GRIK2: variants seen among roughly 807,000 people sequenced by gnomAD.
The protein encoded by GRIK2 is glutamate receptor ionotropic, kainate 2.
GRIK2 carries 32 observed loss-of-function variants against 100.3 expected under a neutral mutation model. That is an observed-to-expected ratio of 0.32 (90% CI 0.24 to 0.43). GRIK2 has a LOEUF of 0.43. GRIK2 is among the 20% of genes least tolerant of loss of function. The probability of loss-of-function intolerance (pLI) is 1.00; values close to 1 mark genes in which losing one functional copy is unlikely to be tolerated. For synonymous variants in GRIK2, 417 were observed against 389.4 expected (o/e 1.07, Z -0.83); for missense variants, 843 against 1,114.9 (o/e 0.76, Z 3.47).
intron 7 of GRIK2, among the ~76,000 whole-genome samples, chr6:101,721,122 A>C (rs1264405768): frequency 1.3e-5 from 2 of 152,036 alleles, no homozygotes; most frequent in South Asian, 4.1e-4. Context: ...TCCTTTAATC[A>C]GGCAGCTTCT....
intron 2 of GRIK2, among the ~76,000 whole-genome samples, chr6:101,438,262 T>C (rs1375264479): frequency 6.6e-6 from 1 of 152,076 alleles, no homozygotes; most frequent in Non-Finnish European, 1.5e-5. Flanking sequence ...TAGGATTTGG[T>C]TAGCTCAAGG....
intron 2 of GRIK2, among the ~76,000 whole-genome samples, chr6:101,484,488 A>G (rs1214678470): frequency 1.3e-5 from 2 of 151,928 alleles, no homozygotes; most frequent in African/African-American, 4.8e-5. Context: ...AATATTGCTA[A>G]TTGATTCTTA....
At chr6:101,448,055 C>A (rs1320931278) in intron 2 of GRIK2, among the ~76,000 whole-genome samples, 2 of 151,616 alleles carry the variant, frequency 1.3e-5, no homozygotes, top group Admixed American at 6.6e-5. Flanking sequence ...CCAGATCAAG[C>A]ATTGGCTTGT....
chr6:101,838,001 C>T (rs1783250736), intron 10 of GRIK2, among the ~76,000 whole-genome samples: 1 of 152,034 alleles, frequency 6.6e-6, no homozygotes, highest in African/African-American at 2.4e-5. Flanking sequence ...CCTTCTCCCC[C>T]AAAGCACGTC....
At chr6:101,526,848 A>AC (rs1245138539) in intron 2 of GRIK2, among the ~76,000 whole-genome samples, 1 of 152,160 alleles carries the variant, frequency 6.6e-6, no homozygotes, top group Non-Finnish European at 1.5e-5. Context: ...GGAGGAGGCA[A>AC]CACTTCTACC....
Position 102,035,385 on chromosome 6 carries a change from T to G in GRIK2, c.2130T>G (p.Ser710Arg), listed in dbSNP as rs1271835076. 6.2e-7 allele frequency: 1 copy of G among 1,607,918 alleles called. No homozygotes were observed. The highest frequency in any genetic ancestry group is 1.3e-5 in the African/African-American group (1 of 74,592). The change falls in exon 15 of 17, where the codon AGT becomes AGG. Residue 710 changes from serine to arginine, a missense_variant. Ser to Arg is a moderately radical substitution (Grantham distance 110). Transcript: ENST00000369134. ...ATGACAAAATGTGGGCCTTTATGAG[T>G]AGCAGAAGGCAGTCAGTGCTGGTCA... is the stretch of plus-strand genomic sequence containing the variant. ...STYDKMWAFM[S>R]SRRQSVLVKS...
intron 2 of GRIK2, among the ~76,000 whole-genome samples, chr6:101,568,129 T>G (rs776621361): frequency 6.6e-6 from 1 of 152,038 alleles, no homozygotes; most frequent in Admixed American, 6.6e-5. Flanking sequence ...GTAGCTTTTT[T>G]GTCAAATTAA....
intron 14 of GRIK2, among the ~76,000 whole-genome samples, chr6:101,984,965 CATCTT>C (rs941649370): frequency 1.3e-4 from 19 of 151,784 alleles, no homozygotes; most frequent in African/African-American, 4.6e-4. Context: ...TCCTTCTTCA[CATCTT>C]ATCTTCCTCT....
chr6:101,831,722 T>C (rs774606447), intron 10 of GRIK2, among the ~76,000 whole-genome samples: 1 of 152,202 alleles, frequency 6.6e-6, no homozygotes, highest in East Asian at 1.9e-4. Context: ...GCATGTCCAA[T>C]TCAATTTCTG....
intron 2 of GRIK2, among the ~76,000 whole-genome samples, chr6:101,497,100 A>G (rs2128271135): frequency 6.6e-6 from 1 of 152,232 alleles, no homozygotes; most frequent in East Asian, 1.9e-4. Context: ...TCCACACCCC[A>G]AGGTACTGTC....
chr6:101,665,410 G>A (rs1769951172), intron 4 of GRIK2, among the ~76,000 whole-genome samples: 1 of 152,192 alleles, frequency 6.6e-6, no homozygotes, highest in Non-Finnish European at 1.5e-5. Flanking sequence ...GAGAAGCACA[G>A]CCACTGTCAT....
rs78952923 is a variant in GRIK2, at chr6:101,432,934, C to T, written c.115+33542C>T. Among the ~76,000 whole-genome samples, 418 of 152,188 alleles carry T rather than the reference C, an allele frequency of 2.7e-3. 2 individuals are homozygous for T. Among genetic ancestry groups the T allele is most frequent in the African/African-American group, 9.7e-3 (403 of 41,512 alleles). ...AGAGGAAGAAAGATCTACCCCCTTT[C>T]CAGACTCTGTAATTTCAAGGAGGAG... On this transcript the variant is annotated intron_variant, in intron 2 of 16. Transcript: ENST00000369134.
chr6:101,785,421 G>C (rs1779361323), intron 7 of GRIK2, among the ~76,000 whole-genome samples: 1 of 152,054 alleles, frequency 6.6e-6, no homozygotes, highest in Non-Finnish European at 1.5e-5. Flanking sequence ...GTTAGTCTGT[G>C]TTTCCTTCTA....
At chr6:101,994,235 C>A (rs1018471898) in intron 14 of GRIK2, among the ~76,000 whole-genome samples, 3 of 151,150 alleles carry the variant, frequency 2.0e-5, no homozygotes, top group East Asian at 3.9e-4. Context: ...CGAAGTTCAA[C>A]ATCTGCTTTT....
At chr6:101,970,796 T>TAAG (rs1221737720) in intron 14 of GRIK2, among the ~76,000 whole-genome samples, 2 of 149,900 alleles carry the variant, frequency 1.3e-5, no homozygotes, top group African/African-American at 5.1e-5. Flanking sequence ...TCTCTGCAGT[T>TAAG]AAGTCCTGCC....
intron 2 of GRIK2, among the ~76,000 whole-genome samples, chr6:101,553,719 A>C (rs1175933768): frequency 6.6e-6 from 1 of 152,226 alleles, no homozygotes; most frequent in Non-Finnish European, 1.5e-5. Context: ...CAGTGGGGCA[A>C]AGATGTTTGA....
intron 9 of GRIK2, among the ~76,000 whole-genome samples, chr6:101,817,641 C>T (rs1781714180): frequency 6.6e-6 from 1 of 152,194 alleles, no homozygotes; most frequent in African/African-American, 2.4e-5. Context: ...GGAGGCTTAT[C>T]TGCATTATCT....
chr6:101,999,620 T>C (rs1794827212), intron 14 of GRIK2, among the ~76,000 whole-genome samples: 1 of 152,024 alleles, frequency 6.6e-6, no homozygotes, highest in Admixed American at 6.6e-5. Flanking sequence ...TAGAGTAATA[T>C]GTTGTCTATG....
chr6:101,735,406 A>T (rs1775567915), intron 7 of GRIK2, among the ~76,000 whole-genome samples: 1 of 152,180 alleles, frequency 6.6e-6, no homozygotes, highest in Non-Finnish European at 1.5e-5. Context: ...CAGGCTGCTG[A>T]TAAAGGCATA....
Sources: allele counts gnomAD v4.1 joint callset (sites outside exome capture counted in the v4.1 genomes callset), GRCh38; gene constraint gnomAD v4.1.1; transcripts MANE v1.5; gene names NCBI Gene and HGNC (gene_info 2026-07-23, HGNC 2026-07-21).